MARCHF3: variants seen among roughly 807,000 people sequenced by gnomAD.
MARCHF3 encodes membrane associated ring-CH-type finger 3, also known as E3 ubiquitin-protein ligase MARCHF3.
In MARCHF3, 13 loss-of-function variants were observed where a neutral mutation model predicts 24.2. The observed-to-expected ratio is 0.54, with a 90% CI of 0.35 to 0.85. The LOEUF is 0.85. MARCHF3 is among the 40% of genes least tolerant of loss of function. The pLI is 0.01. For missense variants in MARCHF3, 276 were observed against 325.0 expected (o/e 0.85, Z 1.16); for synonymous variants, 144 against 137.3 (o/e 1.05, Z -0.34).
At chr5:126,927,574 A>T (rs1055911208) in intron 1 of MARCHF3, among the ~76,000 whole-genome samples, 1 of 152,198 alleles carries the variant, frequency 6.6e-6, no homozygotes, top group African/African-American at 2.4e-5. Flanking sequence ...ATCTTGGTAC[A>T]GAGTGGCCTC....
intron 3 of MARCHF3, 163 bp downstream of exon 3, chr5:126,914,767 A>AACACATACAC: frequency 2.1e-6 from 1 of 482,388 alleles, no homozygotes. Flanking sequence ...CTCTTTCTCA[A>AACACATACAC]ACACACACAC....
intron 3 of MARCHF3, among the ~76,000 whole-genome samples, chr5:126,895,623 C>T (rs939974375): frequency 6.6e-6 from 1 of 152,096 alleles, no homozygotes; most frequent in East Asian, 1.9e-4. Flanking sequence ...TTATGCTGCT[C>T]GGGGGTCAGG....
Position 126,968,487 on chromosome 5 carries a change from G to C in MARCHF3, c.-56-50260C>G, listed in dbSNP as rs1033788459. On this transcript the variant is annotated intron_variant, in intron 1 of 4. Transcript: ENST00000308660. ...TATTTGCATTTCCCTAATGACTAAA[G>C]AGGCTGAGCATCTTTTCATGTGCTT... is the stretch of plus-strand genomic sequence containing the variant. Among the ~76,000 whole-genome samples, 16 of 152,334 alleles carry C rather than the reference G, an allele frequency of 1.1e-4. 1 individual carries two copies. The South Asian group carries it at 2.1e-3, about 20-fold the overall frequency.
At chr5:126,897,642 G>A (rs1330200329) in intron 3 of MARCHF3, among the ~76,000 whole-genome samples, 1 of 152,014 alleles carries the variant, frequency 6.6e-6, no homozygotes, top group Non-Finnish European at 1.5e-5. Context: ...AGTAAAAGAT[G>A]AACAGTGACA....
At chr5:126,958,725 T>C (rs1156545572) in intron 1 of MARCHF3, among the ~76,000 whole-genome samples, 1 of 152,194 alleles carries the variant, frequency 6.6e-6, no homozygotes, top group Non-Finnish European at 1.5e-5. Flanking sequence ...AGAAATTGAT[T>C]GATTCCTGGC....
At chr5:126,948,142 G>A (rs1481550505) in intron 1 of MARCHF3, among the ~76,000 whole-genome samples, 1 of 152,072 alleles carries the variant, frequency 6.6e-6, no homozygotes, top group Non-Finnish European at 1.5e-5. Context: ...AACCCTGGGT[G>A]GGCCAGTGCC....
intron 1 of MARCHF3, among the ~76,000 whole-genome samples, chr5:126,949,517 T>C (rs1262626669): frequency 1.3e-5 from 2 of 152,164 alleles, no homozygotes. Context: ...ACCAGGGAGC[T>C]AGAACCCTCG....
chr5:126,954,202 T>C (rs1035852770), intron 1 of MARCHF3, among the ~76,000 whole-genome samples: 3 of 131,820 alleles, frequency 2.3e-5, no homozygotes, highest in Admixed American at 2.2e-4. Context: ...CCGGCTAATT[T>C]TTTTTTTTTT....
At chr5:127,020,186 T>C (rs941087349) in intron 1 of MARCHF3, among the ~76,000 whole-genome samples, 10 of 152,248 alleles carry the variant, frequency 6.6e-5, no homozygotes, top group East Asian at 1.9e-4. Context: ...ATACTTTTCA[T>C]TGGTCTTCTG....
chr5:126,874,604 A>C (rs942142161), intron 4 of MARCHF3, among the ~76,000 whole-genome samples: 1 of 149,304 alleles, frequency 6.7e-6, no homozygotes, highest in Non-Finnish European at 1.5e-5. Flanking sequence ...AAAAAAAAAA[A>C]GTCACAGAAG....
At chr5:126,890,737 G>A (rs1244847843) in intron 3 of MARCHF3, among the ~76,000 whole-genome samples, 5 of 150,782 alleles carry the variant, frequency 3.3e-5, no homozygotes, top group African/African-American at 7.4e-5. Context: ...GAATAATGCC[G>A]CAATAAACAT....
At chr5:126,878,148 C>T (rs1561774272) in intron 4 of MARCHF3, 37 bp downstream of exon 4, 1 of 1,602,002 alleles carries the variant, frequency 6.2e-7, no homozygotes, top group Non-Finnish European at 8.5e-7. Flanking sequence ...GCTGCCAGCT[C>T]CAAATGGCCT....
intron 1 of MARCHF3, among the ~76,000 whole-genome samples, chr5:126,983,185 C>A (rs1431216262): frequency 1.3e-5 from 2 of 152,178 alleles, no homozygotes; most frequent in Non-Finnish European, 2.9e-5. Flanking sequence ...CTCCAGCAGT[C>A]CCCACAGGTC....
chr5:126,873,018 T>A (rs1392875321), intron 4 of MARCHF3, among the ~76,000 whole-genome samples: 2 of 152,074 alleles, frequency 1.3e-5, no homozygotes, highest in Admixed American at 6.5e-5. Flanking sequence ...ACTTTGGCAA[T>A]ATAAGAAGTC....
intron 1 of MARCHF3, among the ~76,000 whole-genome samples, chr5:127,022,066 G>A (rs1378343136): frequency 6.6e-6 from 1 of 152,174 alleles, no homozygotes; most frequent in Non-Finnish European, 1.5e-5. Flanking sequence ...TGAGCCATAT[G>A]ATCTTGTTTC....
chr5:127,028,477 C>G (rs1381562709), intron 1 of MARCHF3, among the ~76,000 whole-genome samples: 1 of 151,792 alleles, frequency 6.6e-6, no homozygotes, highest in Admixed American at 6.6e-5. Context: ...GTTATAAATT[C>G]CTAAAAGTAT....
intron 1 of MARCHF3, among the ~76,000 whole-genome samples, chr5:126,980,798 G>T (rs1199165123): frequency 6.6e-6 from 1 of 152,208 alleles, no homozygotes; most frequent in African/African-American, 2.4e-5. Context: ...GCCCAGTGTG[G>T]CATACTATAG....
chr5:126,915,210 T>C, intron 2 of MARCHF3, 76 bp from the exon 3 acceptor site: 1 of 1,448,462 alleles, frequency 6.9e-7, no homozygotes, highest in Admixed American at 1.9e-5. Context: ...CTAGCTCTTG[T>C]CCTTTGGGCC....
intron 1 of MARCHF3, among the ~76,000 whole-genome samples, chr5:126,980,660 C>T (rs570090860): frequency 2.5e-4 from 38 of 152,116 alleles, no homozygotes; most frequent in South Asian, 8.3e-4. Flanking sequence ...TGAGCCACCA[C>T]GCCTGGCCTC....
Sources: gnomAD v4.1 joint callset for allele counts (sites outside exome capture counted in the v4.1 genomes callset) on GRCh38, gnomAD v4.1.1 for gene constraint, MANE v1.5 for transcripts, NCBI Gene and HGNC (gene_info 2026-07-23, HGNC 2026-07-21) for gene names.